VPS13B: variants seen among roughly 807,000 people sequenced by gnomAD.
VPS13B encodes the protein intermembrane lipid transfer protein VPS13B.
VPS13B carries 285 observed loss-of-function variants against 426.4 expected under a neutral mutation model. The observed-to-expected ratio is 0.67, with a 90% confidence interval of 0.61 to 0.74. The LOEUF (loss-of-function observed/expected upper bound fraction) is 0.74, where lower values mean the gene tolerates loss of function less well. Among genes scored for constraint, VPS13B ranks in the 30% least tolerant of loss-of-function variants. VPS13B has a pLI of 0.00. For missense variants in VPS13B, 4,537 were observed against 4,782.6 expected (o/e 0.95, Z 1.51); for synonymous variants, 1,676 against 1,676.4 (o/e 1.00, Z 0.01).
At chr8:99,080,661 G>A (rs1283224394) in intron 3 of VPS13B, among the ~76,000 whole-genome samples, 3 of 152,256 alleles carry the variant, frequency 2.0e-5, no homozygotes, top group South Asian at 4.1e-4. Context: ...TATATTTTGT[G>A]TTTGTTTGCA....
chr8:99,248,788 A>G (rs927374277), intron 17 of VPS13B, among the ~76,000 whole-genome samples: 1 of 152,070 alleles, frequency 6.6e-6, no homozygotes, highest in Non-Finnish European at 1.5e-5. Flanking sequence ...TAAATCTGTC[A>G]TTGATTGATT....
rs575798644 is a variant in VPS13B at position 99,490,257 on chromosome 8, G to A, written c.3870+8455G>A. 1.1e-4 allele frequency among the ~76,000 whole-genome samples: 17 copies of A among 152,308 alleles called. 1 individual carries two copies. In the South Asian group the frequency reaches 1.9e-3, roughly 17 times the overall value. On this transcript the variant is annotated intron_variant, in intron 25 of 61. Coordinates refer to ENST00000357162, the MANE Select transcript of VPS13B (RefSeq NM_152564.5). Reference sequence around the variant, plus strand: ...TGCATCCCAGGGATGAAGCCAAAGTGATTGTGGTGGATAAGCTTTTTGGTG... The same window carrying A: ...TGCATCCCAGGGATGAAGCCAAAGTAATTGTGGTGGATAAGCTTTTTGGTG...
At chr8:99,445,172 C>T (rs1477996085) in intron 23 of VPS13B, among the ~76,000 whole-genome samples, 1 of 150,444 alleles carries the variant, frequency 6.6e-6, no homozygotes. Context: ...TCCTTGATGG[C>T]TTTCTTTGTC....
At chr8:99,603,069 G>A (rs1008727705) in intron 33 of VPS13B, among the ~76,000 whole-genome samples, 1 of 152,154 alleles carries the variant, frequency 6.6e-6, no homozygotes, top group Non-Finnish European at 1.5e-5. Context: ...AAATGTCAGT[G>A]GGAAGAATCC....
intron 2 of VPS13B, among the ~76,000 whole-genome samples, chr8:99,029,450 C>G (rs1025628338): frequency 2.0e-5 from 3 of 151,956 alleles, no homozygotes; most frequent in South Asian, 4.2e-4. Context: ...TGTAGCGAGC[C>G]GAGATCACGC....
At chr8:99,407,123 T>G (rs191202377) in intron 21 of VPS13B, among the ~76,000 whole-genome samples, 3 of 152,334 alleles carry the variant, frequency 2.0e-5, no homozygotes, top group Admixed American at 2.0e-4. Context: ...GTCTGTAGGA[T>G]GGAACTAAAG....
chr8:99,841,958 G>A (rs538150474), intron 54 of VPS13B, among the ~76,000 whole-genome samples: 2 of 152,080 alleles, frequency 1.3e-5, no homozygotes, highest in Non-Finnish European at 2.9e-5. Context: ...CCACCAGGTT[G>A]CTTAAAACAG....
At chr8:99,734,592 G>A (rs1220715511) in intron 39 of VPS13B, among the ~76,000 whole-genome samples, 3 of 152,116 alleles carry the variant, frequency 2.0e-5, no homozygotes, top group African/African-American at 7.2e-5. Flanking sequence ...TGAGACACTT[G>A]GGCTTTATTC....
rs148618702 is a variant in VPS13B, at chr8:99,232,495, A to T, written c.2515+39438A>T. On this transcript the variant is annotated intron_variant, in intron 17 of 61. Coordinates refer to ENST00000357162, the MANE Select transcript of VPS13B (RefSeq NM_152564.5). The stretch of plus-strand genomic sequence containing the variant: ...CAAAGAAAGACTTTAAAGTCTAGAA[A>T]AGCCTGCTTTCTCTTTAAAAAGAAA... 5.9e-5 allele frequency among the ~76,000 whole-genome samples: 9 copies of T among 152,326 alleles called. No individual in the cohort carries two copies. The East Asian group carries it at 1.7e-3, about 29-fold the overall frequency.
chr8:99,656,694 C>A (rs1469986747), intron 34 of VPS13B, among the ~76,000 whole-genome samples: 8 of 152,150 alleles, frequency 5.3e-5, no homozygotes, highest in African/African-American at 1.9e-4. Context: ...TGAGCCGTTT[C>A]TCTGGGATTC....
chr8:99,544,206 C>G (rs75355995), intron 30 of VPS13B, among the ~76,000 whole-genome samples: 6 of 151,912 alleles, frequency 3.9e-5, no homozygotes, highest in Non-Finnish European at 8.8e-5. Context: ...AGTAGACTAT[C>G]GCAAGAACAA....
intron 19 of VPS13B, among the ~76,000 whole-genome samples, chr8:99,383,421 C>A (rs1328514896): frequency 1.3e-5 from 2 of 151,874 alleles, no homozygotes; most frequent in East Asian, 1.9e-4. Flanking sequence ...AAAAATTGTT[C>A]TTTGCCTAAA....
chr8:99,097,066 T>C (rs1366243999), intron 4 of VPS13B, among the ~76,000 whole-genome samples: 1 of 152,168 alleles, frequency 6.6e-6, no homozygotes, highest in African/African-American at 2.4e-5. Context: ...TCTGATCAAA[T>C]TTCATTGAGG....
chr8:99,231,014 TG>T (rs1284983033), intron 17 of VPS13B, among the ~76,000 whole-genome samples: 2 of 152,246 alleles, frequency 1.3e-5, no homozygotes, highest in Non-Finnish European at 2.9e-5. Context: ...CTGGACTTTT[TG>T]TTAATGTTTC....
intron 39 of VPS13B, among the ~76,000 whole-genome samples, chr8:99,727,797 T>C (rs1833412239): frequency 6.6e-6 from 1 of 152,186 alleles, no homozygotes; most frequent in Non-Finnish European, 1.5e-5. Context: ...TTTAGGAAGA[T>C]GACTAGTCAG....
chr8:99,308,216 C>T (rs953050252), intron 19 of VPS13B, among the ~76,000 whole-genome samples: 44 of 151,274 alleles, frequency 2.9e-4, no homozygotes, highest in African/African-American at 9.5e-4. Context: ...TTTTAGGGAA[C>T]ATGTGCACAA....
At chr8:99,637,129 G>A (rs1261888894) in intron 33 of VPS13B, among the ~76,000 whole-genome samples, 1 of 152,000 alleles carries the variant, frequency 6.6e-6, no homozygotes, top group East Asian at 1.9e-4. Context: ...GTTACTTTCA[G>A]AGTTATTATA....
At position 99,717,275 on chromosome 8, in the gene VPS13B, G is replaced by A; in HGVS notation, c.6559G>A (p.Ala2187Thr). The change falls in exon 37 of 62, where the codon GCC becomes ACC. Residue 2187 changes from alanine to threonine, a missense_variant. Ala to Thr is a moderately conservative substitution (Grantham distance 58). Transcript: ENST00000357162. Reference sequence around the variant, plus strand: ...TCTGATAGGACCATGTTGTGCTACTGCCAATCTGGAAGCTAAGTGGTGTAA... The same window carrying A: ...TCTGATAGGACCATGTTGTGCTACTACCAATCTGGAAGCTAAGTGGTGTAA... ...RILIGPCCAT[A>T]NLEAKWCKHS... is the part of the protein sequence containing the mutation. The A allele has an allele frequency of 6.2e-7, 1 of 1,613,898 alleles. No homozygotes were observed. Among genetic ancestry groups the A allele is most frequent in the Non-Finnish European group, 8.5e-7 (1 of 1,179,938 alleles).
chr8:99,296,563 C>T (rs1820053466), intron 19 of VPS13B, among the ~76,000 whole-genome samples: 1 of 152,072 alleles, frequency 6.6e-6, no homozygotes, highest in South Asian at 2.1e-4. Flanking sequence ...CTTATCTGTG[C>T]ATATTGTGAA....
Sources: allele counts gnomAD v4.1 joint callset (sites outside exome capture counted in the v4.1 genomes callset), GRCh38; gene constraint gnomAD v4.1.1; transcripts MANE v1.5; gene names NCBI Gene and HGNC (gene_info 2026-07-23, HGNC 2026-07-21).